IDI1: variants seen among roughly 807,000 people sequenced by gnomAD.
The protein encoded by IDI1 is isopentenyl-diphosphate Delta-isomerase 1.
IDI1 carries 23 observed loss-of-function variants against 32.9 expected under a neutral mutation model. The ratio of observed to expected loss-of-function variants is 0.70; its 90% CI spans 0.50 to 0.99. The LOEUF is 0.99. IDI1 is among the 50% of genes least tolerant of loss of function. IDI1 has a pLI of 0.00. For missense variants in IDI1, 326 were observed against 351.9 expected (o/e 0.93, Z 0.59); for synonymous variants, 133 against 128.2 (o/e 1.04, Z -0.25).
intron 4 of IDI1, chr10:1,042,423 A>C (rs1022303414): frequency 1.9e-6 from 1 of 527,930 alleles, no homozygotes; most frequent in Non-Finnish European, 3.5e-6. Context: ...TAACAGATCA[A>C]TCCATCCCCG....
chr10:1,048,214 C>A (rs1213546939), intron 1 of IDI1: 1 of 1,290,972 alleles, frequency 7.7e-7, no homozygotes, highest in South Asian at 1.2e-5. Flanking sequence ...AGCTAAGCTG[C>A]ATAATCACAA....
chr10:1,044,657 C>T (rs1052723736), intron 1 of IDI1, among the ~76,000 whole-genome samples: 10 of 152,270 alleles, frequency 6.6e-5, no homozygotes, highest in African/African-American at 2.4e-4. Flanking sequence ...TTTCAAGGCA[C>T]AACTCGTGCC....
At chr10:1,048,576 G>A in intron 1 of IDI1, 1 of 1,359,250 alleles carries the variant, frequency 7.4e-7, no homozygotes, top group Non-Finnish European at 9.5e-7. Flanking sequence ...CTAAACCTCA[G>A]GTGACTGTGC....
chr10:1,049,160 A>T, upstream of IDI1: 1 of 1,211,794 alleles, frequency 8.3e-7, no homozygotes, highest in Non-Finnish European at 1.1e-6. Flanking sequence ...GGGGGTCAAC[A>T]CGCCCCACCC....
At chr10:1,048,255 A>T in intron 1 of IDI1, 1 of 1,304,094 alleles carries the variant, frequency 7.7e-7, no homozygotes, top group African/African-American at 1.5e-5. Flanking sequence ...TTATGCGTTT[A>T]AAGAATACCA....
At chr10:1,048,211 C>T (rs1832858777) in intron 1 of IDI1, 2 of 1,287,374 alleles carry the variant, frequency 1.6e-6, no homozygotes, top group East Asian at 5.6e-5. Flanking sequence ...TAAAGCTAAG[C>T]TGCATAATCA....
chr10:1,042,705 T>C lies in IDI1; in HGVS notation c.464A>G (p.Glu155Gly). The C allele has an allele frequency of 1.2e-6, 2 of 1,614,050 alleles. No individual in the cohort carries two copies. Among genetic ancestry groups the C allele is most frequent in the Middle Eastern group, 1.7e-4 (1 of 6,050 alleles). ...HPLSNPAELE[E>G]SDALGVRRAA... Reference sequence around the variant, plus strand: ...TCGCCTCACTCCAAGGGCGTCACTTTCCTCAAGCTCGGCTGGATTGCTTAA... The same window carrying C: ...TCGCCTCACTCCAAGGGCGTCACTTCCCTCAAGCTCGGCTGGATTGCTTAA... The change falls in exon 4 of 5, where the codon GAA (glutamate) becomes GGA (glycine). Residue 155 changes from glutamate to glycine, a missense_variant. Glu to Gly is a moderately conservative substitution (Grantham distance 98). Around this residue, in one of 2 missense-constraint regions of IDI1, gnomAD observed 205 missense variants for 273.5 expected, o/e 0.75. Transcript: ENST00000381344.
At chr10:1,049,476 C>CG (rs1328340873), upstream of IDI1, 566 of 132,428 alleles carry the variant, frequency 4.3e-3, 21 homozygotes, top group Non-Finnish European at 7.2e-3. Flanking sequence ...CCCCCCTCCC[C>CG]CCCCCCGAGT....
At chr10:1,048,830 C>T in intron 1 of IDI1, 34 bp downstream of exon 1, 2 of 1,599,526 alleles carry the variant, frequency 1.3e-6, no homozygotes, top group Non-Finnish European at 1.7e-6. Flanking sequence ...CGCCCTGCCC[C>T]TGTCTCCCGA....
In IDI1 at chr10:1,041,193, T is replaced by C. The variant is rs775291377; in HGVS notation, c.849A>G (p.Arg283=). ...TAATCATTTACCTACATATTCACAT[T>C]CTGTATATTTTCTCATGGTCAACAA... ...NQFVDHEKIY[R]M is the part of the protein sequence containing the mutation. Residue 283 remains arginine (R), a synonymous_variant, in exon 5 of 5, where the codon AGA becomes AGG. Transcript: ENST00000381344. The C allele has an allele frequency of 6.3e-7, 1 of 1,577,140 alleles. No homozygotes were observed. The highest frequency in any genetic ancestry group is 1.7e-5 in the Admixed American group (1 of 58,278).
intron 1 of IDI1, among the ~76,000 whole-genome samples, chr10:1,046,324 C>T (rs1204631099): frequency 6.6e-6 from 1 of 152,168 alleles, no homozygotes; most frequent in African/African-American, 2.4e-5. Flanking sequence ...ATTGTAACAT[C>T]GGAGCACAAC....
chr10:1,044,772 A>G (rs1832749795), intron 1 of IDI1, among the ~76,000 whole-genome samples: 1 of 152,212 alleles, frequency 6.6e-6, no homozygotes, highest in African/African-American at 2.4e-5. Context: ...GAGTTTTGTC[A>G]ATTTCCCCCA....
At chr10:1,043,749 G>C (rs1036930263) in intron 2 of IDI1, 5 of 664,654 alleles carry the variant, frequency 7.5e-6, no homozygotes, top group Non-Finnish European at 1.4e-5. Context: ...TGTATGTCAG[G>C]GCTAGTCCCT....
At chr10:1,049,956 TAA>T, upstream of IDI1, among the ~76,000 whole-genome samples, 1 of 152,120 alleles carries the variant, frequency 6.6e-6, no homozygotes, top group South Asian at 2.1e-4. Flanking sequence ...CCTAGCCCTC[TAA>T]ACTTTTAAAT....
upstream of IDI1, chr10:1,049,156 CAACA>C: frequency 8.0e-7 from 1 of 1,243,664 alleles, no homozygotes; most frequent in Non-Finnish European, 1.1e-6. Flanking sequence ...TTAAGGGGGT[CAACA>C]CGCCCCACCC....
chr10:1,055,625 C>CA, the IDI1 span, among the ~76,000 whole-genome samples: 1 of 152,058 alleles, frequency 6.6e-6, no homozygotes, highest in Non-Finnish European at 1.5e-5. Flanking sequence ...TCTAAAAACT[C>CA]AAATATTTTT....
chr10:1,054,966 C>T, the IDI1 span, among the ~76,000 whole-genome samples: 1 of 152,206 alleles, frequency 6.6e-6, no homozygotes, highest in African/African-American at 2.4e-5. Flanking sequence ...CCAAGGAATG[C>T]CTAGACGCTG....
chr10:1,048,432 G>C, intron 1 of IDI1: 2 of 1,290,022 alleles, frequency 1.6e-6, no homozygotes, highest in Non-Finnish European at 2.0e-6. Flanking sequence ...TCACACGCGT[G>C]GACTCGGCAC....
chr10:1,050,598 A>AC (rs1832981995), upstream of IDI1, among the ~76,000 whole-genome samples: 2 of 152,140 alleles, frequency 1.3e-5, no homozygotes, highest in Admixed American at 1.3e-4. Flanking sequence ...TTATTACTTA[A>AC]TTATTCCAGT....
Sources: gnomAD v4.1 joint callset for allele counts (sites outside exome capture counted in the v4.1 genomes callset) on GRCh38, gnomAD v4.1.1 for gene constraint, gnomAD v4.1.1 regional missense constraint, MANE v1.5 for transcripts, NCBI Gene and HGNC (gene_info 2026-07-23, HGNC 2026-07-21) for gene names.